The following RSPO3 variants were observed in gnomAD, a reference collection of about 807,000 sequenced individuals.
RSPO3 encodes the protein R-spondin 3, also known as R-spondin-3.
Under a neutral mutation model 36.5 loss-of-function variants are expected in RSPO3, and 17 were observed. The ratio of observed to expected loss-of-function variants is 0.47; its 90% confidence interval spans 0.32 to 0.70. The LOEUF (loss-of-function observed/expected upper bound fraction) is 0.70, where lower values mean the gene tolerates loss of function less well. Ranked by LOEUF, RSPO3 falls within the 30% of genes least tolerant of loss-of-function variation. The pLI, the probability that RSPO3 is intolerant of heterozygous loss-of-function variation, is 0.04. For synonymous variants in RSPO3, 108 were observed against 107.0 expected (o/e 1.01, Z -0.06); for missense variants, 294 against 322.5 (o/e 0.91, Z 0.68).
In RSPO3 at chr6:127,199,099, G is replaced by A. The variant is rs2114292740; in HGVS notation, c.*3092G>A. ...AGCAAAGAAAATGGAAAGTGCACTG[G>A]TGCTAGCGTTAGACAGCTTGTGTTA... On this transcript the variant is annotated 3_prime_UTR_variant, in exon 5 of 5. Transcript: ENST00000356698. 1.3e-5 allele frequency among the ~76,000 whole-genome samples: 2 copies of A among 152,300 alleles called. No homozygotes were observed. Among genetic ancestry groups the A allele is most frequent in the South Asian group, 4.1e-4 (2 of 4,824 alleles).
chr6:127,180,515 A>AAAAAAAAG (rs1775162612), intron 4 of RSPO3, among the ~76,000 whole-genome samples: 1 of 136,858 alleles, frequency 7.3e-6, no homozygotes. Context: ...AAAAAAAAAA[A>AAAAAAAAG]CCACCAGATC....
At chr6:127,181,902 G>A (rs1204553023) in intron 4 of RSPO3, among the ~76,000 whole-genome samples, 1 of 151,788 alleles carries the variant, frequency 6.6e-6, no homozygotes, top group Non-Finnish European at 1.5e-5. Flanking sequence ...CTAAGGCTGG[G>A]TAATTCATTC....
intron 4 of RSPO3, among the ~76,000 whole-genome samples, chr6:127,177,499 G>T (rs1417214771): frequency 6.6e-6 from 1 of 151,740 alleles, no homozygotes; most frequent in Non-Finnish European, 1.5e-5. Context: ...ATGTAATCTG[G>T]AATCAATTTG....
At chr6:127,189,028 G>A (rs976339239) in intron 4 of RSPO3, among the ~76,000 whole-genome samples, 7 of 152,088 alleles carry the variant, frequency 4.6e-5, no homozygotes, top group Non-Finnish European at 8.8e-5. Flanking sequence ...TCTAGGCACC[G>A]TACTCTTACT....
rs1774435394 is a variant in RSPO3 at position 127,148,817 on chromosome 6, T to C, written c.267T>C (p.Tyr89=). 1.2e-6 allele frequency: 2 copies of C among 1,612,096 alleles called. No individual in the cohort carries two copies. Among genetic ancestry groups the C allele is most frequent in the Non-Finnish European group, 1.7e-6 (2 of 1,178,802 alleles). The change falls in exon 2 of 5, where the codon TAT becomes TAC. Residue 89 remains tyrosine, a synonymous_variant. Transcript: ENST00000356698. ...SCPSGYYGTR[Y]PDINKCTKCK... ...CAAGTGGATATTATGGAACTCGATA[T>C]CCAGATATAAATAAGTGTACAAGTA...
intron 3 of RSPO3, 121 bp from the exon 4 acceptor site, chr6:127,155,120 T>A (rs956059075): frequency 1.1e-6 from 1 of 919,044 alleles, no homozygotes; most frequent in Non-Finnish European, 1.7e-6. Flanking sequence ...TTGCCCGACT[T>A]TGATCTGCAA....
At chr6:127,142,395 T>G (rs1461211812) in intron 1 of RSPO3, among the ~76,000 whole-genome samples, 1 of 152,162 alleles carries the variant, frequency 6.6e-6, no homozygotes, top group East Asian at 1.9e-4. Flanking sequence ...ATTCAAATTT[T>G]TAACATTAGA....
intron 4 of RSPO3, among the ~76,000 whole-genome samples, chr6:127,181,957 G>A (rs967321251): frequency 6.6e-6 from 1 of 151,844 alleles, no homozygotes; most frequent in African/African-American, 2.4e-5. Flanking sequence ...GGCTGTACAA[G>A]AAGCATGGCA....
chr6:127,139,465 T>C (rs1000808020), intron 1 of RSPO3, among the ~76,000 whole-genome samples: 4 of 152,136 alleles, frequency 2.6e-5, no homozygotes, highest in African/African-American at 9.6e-5. Flanking sequence ...GGAGCACTCA[T>C]GCGGATTCAT....
intron 4 of RSPO3, among the ~76,000 whole-genome samples, chr6:127,179,279 G>GA (rs1775132739): frequency 6.6e-6 from 1 of 151,816 alleles, no homozygotes; most frequent in African/African-American, 2.4e-5. Flanking sequence ...GAATTAGATT[G>GA]AGAGTAGAGG....
At chr6:127,154,350 A>G (rs1774551106) in intron 3 of RSPO3, among the ~76,000 whole-genome samples, 1 of 152,152 alleles carries the variant, frequency 6.6e-6, no homozygotes, top group Non-Finnish European at 1.5e-5. Flanking sequence ...TCTTTTCTTT[A>G]GAAGTTCAAA....
At chr6:127,148,191 C>T (rs1774424753) in intron 1 of RSPO3, among the ~76,000 whole-genome samples, 1 of 151,986 alleles carries the variant, frequency 6.6e-6, no homozygotes, top group African/African-American at 2.4e-5. Context: ...GAAACATATG[C>T]TTATCCTCCA....
At chr6:127,195,767 T>G (rs1775501927) in intron 4 of RSPO3, 56 bp from the exon 5 acceptor site, 1 of 1,225,282 alleles carries the variant, frequency 8.2e-7, no homozygotes. Flanking sequence ...TAAAATGTAA[T>G]TAAAAAATAG....
intron 1 of RSPO3, among the ~76,000 whole-genome samples, chr6:127,142,280 T>C (rs1343410402): frequency 2.0e-5 from 3 of 152,186 alleles, no homozygotes; most frequent in Non-Finnish European, 4.4e-5. Context: ...GACCTAGCCA[T>C]TGTCGGCTCT....
At chr6:127,179,909 C>T (rs913693902) in intron 4 of RSPO3, among the ~76,000 whole-genome samples, 3 of 151,864 alleles carry the variant, frequency 2.0e-5, no homozygotes, top group Non-Finnish European at 4.4e-5. Context: ...TTCCACTTTC[C>T]ACTTTTAAGG....
At position 127,118,832 on chromosome 6, in the gene RSPO3, C is replaced by G. The variant is rs1029032341; in HGVS notation, c.-361C>G. ...AGCTTCTGAGCCCAAGGGGCCGCCG[C>G]TGCAGCCGCCGCCGCCGCCGCTCGC... On this transcript the variant is annotated 5_prime_UTR_variant, in exon 1 of 5. Coordinates refer to ENST00000356698, the MANE Select transcript of RSPO3 (RefSeq NM_032784.5). 2 of 161,184 alleles carry G rather than the reference C, an allele frequency of 1.2e-5. No individual in the cohort carries two copies. The highest frequency in any genetic ancestry group is 4.8e-5 in the African/African-American group (2 of 41,616). 10.0% of individuals were successfully genotyped at this position (161,184 alleles called of 1,614,324 possible).
At chr6:127,125,005 T>C (rs1773912740) in intron 1 of RSPO3, among the ~76,000 whole-genome samples, 2 of 152,276 alleles carry the variant, frequency 1.3e-5, no homozygotes, top group South Asian at 2.1e-4. Flanking sequence ...TTTGAACTGT[T>C]TGAATAATTT....
chr6:127,150,166 G>GATATATAT lies in RSPO3; in HGVS notation c.290-246_290-239dup, dbSNP rs768162516. On this transcript the variant is annotated intron_variant, in intron 2 of 4. Coordinates refer to ENST00000356698, the MANE Select transcript of RSPO3 (RefSeq NM_032784.5). ...ACTTCATCTTATAAATATTCTTGGAGATATATATATATATATATATACACA... is the reference window on the plus strand; with the variant it reads ...ACTTCATCTTATAAATATTCTTGGAGATATATATATATATATATATATATATATACACA... Among the ~76,000 whole-genome samples, 642 of 139,486 alleles carry GATATATAT rather than the reference G, an allele frequency of 4.6e-3. 5 individuals carry two copies. The highest frequency in any genetic ancestry group is 0.016 in the Middle Eastern group (4 of 252). 91.5% of individuals were successfully genotyped at this position (139,486 alleles called of 152,430 possible).
At chr6:127,146,101 T>C (rs11970168) in intron 1 of RSPO3, among the ~76,000 whole-genome samples, 10,145 of 152,150 alleles carry the variant, frequency 0.067, 701 homozygotes, top group African/African-American at 0.18. Flanking sequence ...AGTCTTCATT[T>C]CTCTCTCTTC....
Sources: gnomAD v4.1 joint callset for allele counts (sites outside exome capture counted in the v4.1 genomes callset) on GRCh38, gnomAD v4.1.1 for gene constraint, MANE v1.5 for transcripts, NCBI Gene and HGNC (gene_info 2026-07-23, HGNC 2026-07-21) for gene names.